The following RUBCNL variants were observed in gnomAD, a reference collection of about 807,000 sequenced individuals.
RUBCNL encodes the protein protein associated with UVRAG as autophagy enhancer.
RUBCNL carries 62 observed loss-of-function variants against 69.5 expected under a neutral mutation model. The ratio of observed to expected loss-of-function variants is 0.89; its 90% CI spans 0.73 to 1.10. The LOEUF is 1.10. Among genes scored for constraint, RUBCNL ranks in the 50% least tolerant of loss-of-function variants. The pLI is 0.00. For synonymous variants in RUBCNL, 291 were observed against 303.6 expected (o/e 0.96, Z 0.43); for missense variants, 768 against 798.1 (o/e 0.96, Z 0.45).
At chr13:46,361,691 T>C (rs1421067616) in intron 7 of RUBCNL, 118 bp from the exon 8 acceptor site, 3 of 974,524 alleles carry the variant, frequency 3.1e-6, no homozygotes, top group Non-Finnish European at 4.5e-6. Flanking sequence ...GGCTGTCATA[T>C]GAGATGACGC....
upstream of RUBCNL, chr13:46,387,478 T>C: frequency 2.0e-6 from 2 of 985,490 alleles, no homozygotes; most frequent in South Asian, 9.4e-5. Context: ...TATGCGCGCC[T>C]CTGCCGGTCC....
intron 9 of RUBCNL, among the ~76,000 whole-genome samples, chr13:46,358,546 TTTG>T (rs2048540974): frequency 6.6e-6 from 1 of 152,238 alleles, no homozygotes; most frequent in African/African-American, 2.4e-5. Flanking sequence ...TTATTTACAT[TTTG>T]TTACATTTCT....
intron 1 of RUBCNL, among the ~76,000 whole-genome samples, chr13:46,386,870 A>G (rs2049260173): frequency 6.6e-6 from 1 of 152,130 alleles, no homozygotes; most frequent in Non-Finnish European, 1.5e-5. Context: ...TCCCGGCCCA[A>G]GCCGAACACA....
At chr13:46,349,405 G>A (rs570113973) in intron 11 of RUBCNL, 58 bp from the exon 12 acceptor site, 1 of 1,478,632 alleles carries the variant, frequency 6.8e-7, no homozygotes, top group Non-Finnish European at 9.4e-7. Flanking sequence ...CACGGGAAAA[G>A]TGCAAGTCAA....
At chr13:46,386,657 TTTC>T (rs2049254016) in intron 1 of RUBCNL, among the ~76,000 whole-genome samples, 1 of 152,116 alleles carries the variant, frequency 6.6e-6, no homozygotes, top group African/African-American at 2.4e-5. Context: ...CACGCCGCGA[TTTC>T]ACACTCCAGC....
upstream of RUBCNL, chr13:46,387,504 C>G (rs767889151): frequency 1.0e-6 from 1 of 985,706 alleles, no homozygotes; most frequent in Admixed American, 6.1e-5. Flanking sequence ...GAAATCCCGC[C>G]CTGCCTACCC....
At position 46,343,250 on chromosome 13, in the gene RUBCNL, C is replaced by A; in HGVS notation, c.*135G>T. 1 of 1,330,338 alleles carries A rather than the reference C, an allele frequency of 7.5e-7. No individual in the cohort carries two copies. Among genetic ancestry groups the A allele is most frequent in the Non-Finnish European group, 1.0e-6 (1 of 962,188 alleles). 82.4% of individuals were successfully genotyped at this position (1,330,338 alleles called of 1,614,324 possible). ...ATTCTTTTGAAACATTAAGTATATG[C>A]AATAAAGAGAATATAGACCATCTTT... On this transcript the variant is annotated 3_prime_UTR_variant, in exon 15 of 15. Transcript: ENST00000429979.
At chr13:46,362,958 A>ATC (rs1555253828) in intron 6 of RUBCNL, among the ~76,000 whole-genome samples, 157 bp downstream of exon 6, 8 of 76,346 alleles carry the variant, frequency 1.0e-4, no homozygotes, top group Non-Finnish European at 2.0e-4. Context: ...ATATATATAT[A>ATC]TATATATATA....
Position 46,372,009 on chromosome 13 carries a change from G to A in RUBCNL, c.467C>T (p.Thr156Ile). Reference sequence around the variant, plus strand: ...ACTGTCAGTCTCAGGATATGGGGAGGTGGCCAAAATCCCAGGGCTTGTGGG... The same window carrying A: ...ACTGTCAGTCTCAGGATATGGGGAGATGGCCAAAATCCCAGGGCTTGTGGG... ...SLPTSPGILA[T>I]SPYPETDSAF... The change falls in exon 3 of 15, where the codon ACC becomes ATC. Residue 156 changes from threonine (T) to isoleucine (I), a missense_variant. Physicochemically the swap from Thr to Ile is moderately conservative, Grantham distance 89. Transcript: ENST00000429979. 1 of 1,613,976 alleles carries A rather than the reference G, an allele frequency of 6.2e-7. No homozygotes were observed. Among genetic ancestry groups the A allele is most frequent in the Non-Finnish European group, 8.5e-7 (1 of 1,179,878 alleles).
chr13:46,368,359 A>C, intron 4 of RUBCNL, 110 bp from the exon 5 acceptor site: 7 of 1,403,654 alleles, frequency 5.0e-6, no homozygotes, highest in Non-Finnish European at 6.7e-6. Context: ...AATGCATATC[A>C]GTATAAATAT....
rs1329862769 is a variant in RUBCNL, at chr13:46,344,765, T to C, written c.1852A>G (p.Thr618Ala). Residue 618 changes from threonine to alanine, a missense_variant, in exon 14 of 15, where the codon ACA becomes GCA. Coordinates refer to ENST00000429979, the MANE Select transcript of RUBCNL (RefSeq NM_025113.5). Reference protein sequence around the residue: ...QNTTVIFPFQTATCRRCSACR... With the variant: ...QNTTVIFPFQAATCRRCSACR... ...CCTGAACATCTTCTACATGTTGCTGTCTGAAATGGGAAGATGACAGTCGTA... is the reference window on the plus strand; with the variant it reads ...CCTGAACATCTTCTACATGTTGCTGCCTGAAATGGGAAGATGACAGTCGTA... 5 of 1,610,296 alleles carry C rather than the reference T, an allele frequency of 3.1e-6. No homozygotes were observed. Among genetic ancestry groups the C allele is most frequent in the Non-Finnish European group, 3.4e-6 (4 of 1,177,796 alleles).
At chr13:46,383,162 T>A (rs1162194980) in intron 1 of RUBCNL, among the ~76,000 whole-genome samples, 1 of 152,166 alleles carries the variant, frequency 6.6e-6, no homozygotes, top group Non-Finnish European at 1.5e-5. Flanking sequence ...AGTTTGAAAT[T>A]TTCCATTAAA....
chr13:46,350,672 G>C (rs1210009420), intron 10 of RUBCNL: 2 of 257,014 alleles, frequency 7.8e-6, no homozygotes, highest in African/African-American at 4.4e-5. Context: ...TGGAAATCTG[G>C]GTGGGAGTCC....
At chr13:46,355,364 G>A (rs1024949866) in intron 10 of RUBCNL, among the ~76,000 whole-genome samples, 3 of 146,052 alleles carry the variant, frequency 2.1e-5, no homozygotes, top group Admixed American at 7.0e-5. Flanking sequence ...GTGTGATCTC[G>A]GCTCACTGCA....
At chr13:46,347,081 C>T (rs1042079618) in intron 12 of RUBCNL, among the ~76,000 whole-genome samples, 3 of 152,132 alleles carry the variant, frequency 2.0e-5, no homozygotes, top group African/African-American at 7.2e-5. Flanking sequence ...GATCCCATCA[C>T]CCAGGGAGAG....
At chr13:46,386,087 G>A (rs2049236993) in intron 1 of RUBCNL, among the ~76,000 whole-genome samples, 1 of 152,098 alleles carries the variant, frequency 6.6e-6, no homozygotes, top group African/African-American at 2.4e-5. Flanking sequence ...GTCGGCGGCC[G>A]GCAGTGTTTC....
At position 46,344,686 on chromosome 13, in the gene RUBCNL, CTTAGT is replaced by C. The variant is rs1156624118; in HGVS notation, c.1876+50_1876+54del. 9 of 1,188,466 alleles carry C rather than the reference CTTAGT, an allele frequency of 7.6e-6. No individual in the cohort carries two copies. The East Asian group carries it at 7.6e-5, about 10-fold the overall frequency. 73.6% of individuals were successfully genotyped at this position (1,188,466 alleles called of 1,614,324 possible). ...TTAATTTTGTGCTTAAGTTACTAAA[CTTAGT>C]TTAATTAGTTAACCTATTATTAAGC... On this transcript the variant is annotated intron_variant, in intron 14 of 14. Transcript: ENST00000429979.
Position 46,337,278 on chromosome 13 carries a change from G to T in RUBCNL, c.*6107C>A, listed in dbSNP as rs1208334098. Among the ~76,000 whole-genome samples the T allele has an allele frequency of 6.6e-6, 1 of 152,134 alleles. No individual in the cohort carries two copies. Among genetic ancestry groups the T allele is most frequent in the African/African-American group, 2.4e-5 (1 of 41,426 alleles). On this transcript the variant is annotated 3_prime_UTR_variant, in exon 15 of 15. Transcript: ENST00000429979. ...CTGCCTCAGCCTCCCGAGTAGCTGG[G>T]ATTACAGGCACTTGCGACCACACCT...
At chr13:46,356,639 T>C in intron 9 of RUBCNL, 143 bp from the exon 10 acceptor site, 2 of 680,434 alleles carry the variant, frequency 2.9e-6, no homozygotes, top group Non-Finnish European at 2.5e-6. Flanking sequence ...AAGAAATAGA[T>C]TTATTCAATA....
Sources: allele counts gnomAD v4.1 joint callset (sites outside exome capture counted in the v4.1 genomes callset), GRCh38; gene constraint gnomAD v4.1.1; transcripts MANE v1.5; gene names NCBI Gene and HGNC (gene_info 2026-07-23, HGNC 2026-07-21).